UGP2: variants seen among roughly 807,000 people sequenced by gnomAD.
The protein encoded by UGP2 is UDP-glucose pyrophosphorylase 2.
UGP2 carries 40 observed loss-of-function variants against 49.0 expected under a neutral mutation model. That is an observed-to-expected ratio of 0.82 (90% CI 0.63 to 1.06). The LOEUF is 1.06. UGP2 is among the 50% of genes least tolerant of loss of function. UGP2 has a pLI of 0.00. For missense variants in UGP2, 460 were observed against 603.5 expected, an observed-to-expected ratio of 0.76 and a Z score of 2.49; for synonymous variants, 225 against 213.0, an observed-to-expected ratio of 1.06 and a Z score of -0.49.
At chr2:63,886,662 A>G in intron 7 of UGP2, 124 bp downstream of exon 7, 1 of 1,077,086 alleles carries the variant, frequency 9.3e-7, no homozygotes, top group Non-Finnish European at 1.3e-6. Context: ...TTGCCTTTTC[A>G]GACTCTAGTT....
At position 63,886,391 on chromosome 2, in the gene UGP2, T is replaced by C. The variant is rs754523466; in HGVS notation, c.924T>C (p.Ala308=). ...YEGKLRLVEI[A]QVPKAHVDEF... ...GCAAACTGAGACTGGTGGAAATTGC[T>C]CAAGTGCCAAAAGCACATGTAGACG... Residue 308 remains alanine, a synonymous_variant, in exon 7 of 10, where the codon GCT becomes GCC. Coordinates refer to ENST00000337130, the MANE Select transcript of UGP2 (RefSeq NM_006759.4). 20 of 1,614,184 alleles carry C rather than the reference T, an allele frequency of 1.2e-5. No homozygotes were observed. Among genetic ancestry groups the C allele is most frequent in the South Asian group, 1.2e-4 (11 of 91,090 alleles).
At chr2:63,859,015 T>C (rs950966704) in intron 3 of UGP2, among the ~76,000 whole-genome samples, 9 of 151,134 alleles carry the variant, frequency 6.0e-5, no homozygotes, top group African/African-American at 2.2e-4. Context: ...TTTTTTTTTT[T>C]AGACAGTCTC....
At chr2:63,877,008 C>T (rs1371249522) in intron 3 of UGP2, among the ~76,000 whole-genome samples, 1 of 152,230 alleles carries the variant, frequency 6.6e-6, no homozygotes, top group African/African-American at 2.4e-5. Flanking sequence ...CAATATGAGG[C>T]TGAGAATCTA....
intron 1 of UGP2, among the ~76,000 whole-genome samples, chr2:63,844,325 A>G (rs901495679): frequency 1.3e-5 from 2 of 152,214 alleles, no homozygotes; most frequent in African/African-American, 4.8e-5. Flanking sequence ...TTTTAAGCAA[A>G]TCAAATTCTT....
At chr2:63,868,690 G>A (rs914032980) in intron 3 of UGP2, among the ~76,000 whole-genome samples, 11 of 152,114 alleles carry the variant, frequency 7.2e-5, no homozygotes, top group Admixed American at 1.3e-4. Flanking sequence ...CAGGCTGGGC[G>A]CGGTAGCTCA....
At chr2:63,844,777 G>A (rs143806520) in intron 1 of UGP2, among the ~76,000 whole-genome samples, 321 of 152,216 alleles carry the variant, frequency 2.1e-3, no homozygotes, top group African/African-American at 7.5e-3. Context: ...TCTCAGGCTG[G>A]TCTCAAACTC....
chr2:63,868,985 A>G lies in UGP2; in HGVS notation c.255+11049A>G, dbSNP rs542190393. On this transcript the variant is annotated intron_variant, in intron 3 of 9. Transcript: ENST00000337130. ...CATCTCAAAAAAAAAAAAAGAAAGTATATCAATTTGCACTCCCATTCATAT... is the reference window on the plus strand; with the variant it reads ...CATCTCAAAAAAAAAAAAAGAAAGTGTATCAATTTGCACTCCCATTCATAT... Among the ~76,000 whole-genome samples, 3 of 152,126 alleles carry G rather than the reference A, an allele frequency of 2.0e-5. No individual in the cohort carries two copies. In the South Asian group the frequency reaches 6.2e-4, roughly 32 times the overall value.
rs1048396376 is a variant in UGP2 at position 63,856,640 on chromosome 2, G to A, written c.147+207G>A. 1.5e-5 allele frequency: 9 copies of A among 592,022 alleles called. No homozygotes were observed. The East Asian group carries it at 2.3e-4, about 15-fold the overall frequency. 36.7% of individuals were successfully genotyped at this position (592,022 alleles called of 1,614,324 possible). On this transcript the variant is annotated intron_variant, in intron 2 of 9. Coordinates refer to ENST00000337130, the MANE Select transcript of UGP2 (RefSeq NM_006759.4). ...AATCCATTATCTTTTTTTCATTTAA[G>A]CCTAGGAAGTTTTCAAAGTCATTAA...
intron 3 of UGP2, among the ~76,000 whole-genome samples, chr2:63,876,871 A>G (rs1253591334): frequency 5.3e-5 from 8 of 152,236 alleles, no homozygotes; most frequent in African/African-American, 1.9e-4. Context: ...TTTGAACAGT[A>G]TTCAGAATTA....
rs374604506 is a variant in UGP2, at chr2:63,891,351, TAG to T, written c.*127_*128del. ...TACCCTGCAGTGTTGATTTTTAAAA[TAG>T]AGTTTTCTGCAGTATGCTTTTAGTC... is the stretch of plus-strand genomic sequence containing the variant. On this transcript the variant is annotated 3_prime_UTR_variant, in exon 10 of 10. Transcript: ENST00000337130. 4.8e-4 allele frequency: 321 copies of T among 661,944 alleles called. No homozygotes were observed. The highest frequency in any genetic ancestry group is 4.8e-3 in the African/African-American group (256 of 53,362). The allele number at this position is 661,944 out of a possible 1,614,324, so 41.0% of individuals were successfully genotyped here. A position where few individuals can be genotyped will look rare whatever the true frequency, so the allele number is the denominator to read the frequency against.
intron 3 of UGP2, among the ~76,000 whole-genome samples, chr2:63,877,047 A>G (rs903013370): frequency 1.3e-5 from 2 of 152,256 alleles, no homozygotes; most frequent in Non-Finnish European, 2.9e-5. Flanking sequence ...AGTTTTTGGG[A>G]TAACAAAGAA....
intron 1 of UGP2, among the ~76,000 whole-genome samples, chr2:63,849,970 C>T (rs1384429374): frequency 6.6e-6 from 1 of 152,162 alleles, no homozygotes; most frequent in African/African-American, 2.4e-5. Flanking sequence ...TTATGTTATA[C>T]CTCTTTCTCT....
chr2:63,858,651 T>A (rs1669617845), intron 3 of UGP2, among the ~76,000 whole-genome samples: 2 of 152,194 alleles, frequency 1.3e-5, no homozygotes, highest in African/African-American at 4.8e-5. Flanking sequence ...CATTTTTTTT[T>A]AGGGTCTATT....
chr2:63,887,773 A>G, intron 8 of UGP2, 129 bp downstream of exon 8: 1 of 1,237,550 alleles, frequency 8.1e-7, no homozygotes, highest in Non-Finnish European at 1.1e-6. Context: ...TGTCTTTGAT[A>G]CCTTTTAAAG....
chr2:63,862,981 C>CATCT, intron 3 of UGP2: 2 of 400,702 alleles, frequency 5.0e-6, no homozygotes, highest in East Asian at 1.5e-4. Flanking sequence ...CTCCCTGAGT[C>CATCT]ATCTACCTTT....
intron 1 of UGP2, among the ~76,000 whole-genome samples, chr2:63,852,485 A>T (rs1242167970): frequency 1.3e-5 from 2 of 152,252 alleles, no homozygotes; most frequent in African/African-American, 4.8e-5. Flanking sequence ...TGGCTACTCC[A>T]AAAGATACTT....
rs193200007 is a variant in UGP2 at position 63,875,254 on chromosome 2, T to G, written c.256-7212T>G. 2.6e-5 allele frequency among the ~76,000 whole-genome samples: 4 copies of G among 152,322 alleles called. No individual in the cohort carries two copies. The East Asian group carries it at 7.7e-4, about 29-fold the overall frequency. Reference sequence around the variant, plus strand: ...TGGCATTCCTAATTCGTTAACTGTTTACACAGCTCATTTTCCTTCAGGCAA... The same window carrying G: ...TGGCATTCCTAATTCGTTAACTGTTGACACAGCTCATTTTCCTTCAGGCAA... On this transcript the variant is annotated intron_variant, in intron 3 of 9. Coordinates refer to ENST00000337130, the MANE Select transcript of UGP2 (RefSeq NM_006759.4).
chr2:63,857,786 T>G (rs753796881), intron 2 of UGP2, 43 bp from the exon 3 acceptor site: 2 of 1,522,344 alleles, frequency 1.3e-6, no homozygotes, highest in East Asian at 4.5e-5. Flanking sequence ...TTATTAAATA[T>G]TAAGCATTCT....
At chr2:63,844,168 CATT>C (rs1671770174) in intron 1 of UGP2, among the ~76,000 whole-genome samples, 1 of 152,314 alleles carries the variant, frequency 6.6e-6, no homozygotes, top group South Asian at 2.1e-4. Context: ...TCCTGTTTAT[CATT>C]GTTTAAATTT....
Sources: allele counts gnomAD v4.1 joint callset (sites outside exome capture counted in the v4.1 genomes callset), GRCh38; gene constraint gnomAD v4.1.1; transcripts MANE v1.5; gene names NCBI Gene and HGNC (gene_info 2026-07-23, HGNC 2026-07-21).